The following ZCCHC7 variants were observed in gnomAD, a reference collection of about 807,000 sequenced individuals.
The protein encoded by ZCCHC7 is zinc finger CCHC-type containing 7, also known as zinc finger CCHC domain-containing protein 7.
A neutral mutation model predicts 52.0 loss-of-function variants in ZCCHC7; 35 were observed. The observed-to-expected ratio is 0.67, with a 90% confidence interval of 0.51 to 0.89. The LOEUF is 0.89. ZCCHC7 is among the 40% of genes least tolerant of loss of function. The pLI is 0.00. For synonymous variants in ZCCHC7, 217 were observed against 221.5 expected (o/e 0.98, Z 0.18); for missense variants, 574 against 649.1 (o/e 0.88, Z 1.26).
chr9:37,284,111 G>A (rs1249967770), intron 2 of ZCCHC7: 1 of 152,086 alleles, frequency 6.6e-6, no homozygotes, highest in Non-Finnish European at 1.5e-5. Flanking sequence ...CCGACTGTGT[G>A]GTAGACCAGC....
At chr9:37,275,625 G>A (rs990203871) in intron 2 of ZCCHC7, among the ~76,000 whole-genome samples, 1 of 151,928 alleles carries the variant, frequency 6.6e-6, no homozygotes, top group African/African-American at 2.4e-5. Context: ...AACATGGAAT[G>A]GCAGACTCTT....
chr9:37,245,485 T>G (rs974021609), intron 2 of ZCCHC7, among the ~76,000 whole-genome samples: 10 of 152,134 alleles, frequency 6.6e-5, no homozygotes, highest in Admixed American at 6.5e-4. Context: ...AACAAACTAT[T>G]GTTGAGCACC....
At chr9:37,172,965 G>T (rs1564157130) in intron 2 of ZCCHC7, among the ~76,000 whole-genome samples, 1 of 152,032 alleles carries the variant, frequency 6.6e-6, no homozygotes, top group African/African-American at 2.4e-5. Context: ...GAGCAACGTG[G>T]GCATTCCAAT....
intron 5 of ZCCHC7, chr9:37,327,021 A>G (rs1452686397): frequency 6.6e-6 from 1 of 152,142 alleles, no homozygotes; most frequent in African/African-American, 2.4e-5. Flanking sequence ...TGTCCTTAAC[A>G]AGGTCATAAT....
intron 2 of ZCCHC7, among the ~76,000 whole-genome samples, chr9:37,130,209 G>C (rs1216619846): frequency 2.1e-5 from 3 of 143,400 alleles, no homozygotes. Flanking sequence ...TTGCACTCCA[G>C]CCTGGGTGAT....
intron 5 of ZCCHC7, among the ~76,000 whole-genome samples, chr9:37,308,404 A>G (rs1478275090): frequency 2.6e-5 from 4 of 151,930 alleles, no homozygotes; most frequent in African/African-American, 9.7e-5. Context: ...TTTGCCTGTG[A>G]TAAAGAAGGG....
At chr9:37,221,959 G>T (rs1824836428) in intron 2 of ZCCHC7, among the ~76,000 whole-genome samples, 1 of 151,484 alleles carries the variant, frequency 6.6e-6, no homozygotes, top group Non-Finnish European at 1.5e-5. Context: ...ATTTTCAATA[G>T]CAAAAAAAAC....
chr9:37,178,133 T>G (rs563520595), intron 2 of ZCCHC7, among the ~76,000 whole-genome samples: 8 of 152,172 alleles, frequency 5.3e-5, no homozygotes, highest in Non-Finnish European at 1.2e-4. Flanking sequence ...ACCCTAAACC[T>G]AGCCAGTAAT....
chr9:37,216,417 G>C (rs187556737), intron 2 of ZCCHC7, among the ~76,000 whole-genome samples: 85 of 152,312 alleles, frequency 5.6e-4, no homozygotes, highest in African/African-American at 1.9e-3. Flanking sequence ...GCTCACGCCT[G>C]TAATCCTAGC....
At position 37,305,594 on chromosome 9, in the gene ZCCHC7, C is replaced by A; in HGVS notation, c.831C>A (p.Ser277=). Reference sequence around the variant, plus strand: ...CCAGGAGAGGACATCTCCTGTATTCCTGTCCAGCCCCCCTTTGCGAATACT... The same window carrying A: ...CCAGGAGAGGACATCTCCTGTATTCATGTCCAGCCCCCCTTTGCGAATACT... The part of the protein sequence containing the change: ...LCSRRGHLLY[S]CPAPLCEYCP... Residue 277 remains serine, a synonymous_variant, in exon 5 of 9, where the codon TCC becomes TCA. Coordinates refer to ENST00000336755, the MANE Select transcript of ZCCHC7 (RefSeq NM_032226.3). 1 of 1,614,120 alleles carries A rather than the reference C, an allele frequency of 6.2e-7. No individual in the cohort carries two copies. Among genetic ancestry groups the A allele is most frequent in the Non-Finnish European group, 8.5e-7 (1 of 1,180,014 alleles).
chr9:37,353,839 G>A (rs1218277330), intron 7 of ZCCHC7, among the ~76,000 whole-genome samples: 1 of 152,092 alleles, frequency 6.6e-6, no homozygotes, highest in Non-Finnish European at 1.5e-5. Context: ...ACTTAGCTAA[G>A]AAACAACATT....
chr9:37,298,416 T>A (rs1828885070), intron 2 of ZCCHC7, among the ~76,000 whole-genome samples: 1 of 152,204 alleles, frequency 6.6e-6, no homozygotes, highest in South Asian at 2.1e-4. Context: ...AAACAAATTG[T>A]TATATCCATA....
chr9:37,323,921 TCTTGAGG>T (rs889353099), intron 5 of ZCCHC7, among the ~76,000 whole-genome samples: 127 of 152,278 alleles, frequency 8.3e-4, no homozygotes, highest in African/African-American at 2.8e-3. Context: ...AAGAGCCTGG[TCTTGAGG>T]CTTCAGAGTA....
chr9:37,143,237 A>G (rs1222127033), intron 2 of ZCCHC7, among the ~76,000 whole-genome samples: 6 of 151,720 alleles, frequency 4.0e-5, no homozygotes, highest in South Asian at 2.1e-4. Flanking sequence ...TTCTTTTAAA[A>G]CTGAATGGCT....
At position 37,126,626 on chromosome 9, in the gene ZCCHC7, C is replaced by A; in HGVS notation, c.294C>A (p.Asp98Glu). 6.2e-7 allele frequency: 1 copy of A among 1,614,100 alleles called. No homozygotes were observed. The highest frequency in any genetic ancestry group is 8.5e-7 in the Non-Finnish European group (1 of 1,180,006). ...GSEVITLSDE[D>E]SIYRCKGKNV... Reference sequence around the variant, plus strand: ...AGGTCATCACTTTGTCTGATGAAGACAGTATTTATAGATGTAAAGGAAAGA... The same window carrying A: ...AGGTCATCACTTTGTCTGATGAAGAAAGTATTTATAGATGTAAAGGAAAGA... The change falls in exon 2 of 9, where the codon GAC becomes GAA. Residue 98 changes from aspartate to glutamate, a missense_variant. Physicochemically the swap from Asp to Glu is conservative, Grantham distance 45 (BLOSUM62 2). This residue lies in a region of ZCCHC7 where 403 missense variants were observed against 461.2 expected (regional missense o/e 0.87). Coordinates refer to ENST00000336755, the MANE Select transcript of ZCCHC7 (RefSeq NM_032226.3).
intron 2 of ZCCHC7, among the ~76,000 whole-genome samples, chr9:37,260,022 TAA>T (rs1246173023): frequency 1.3e-5 from 2 of 152,258 alleles, no homozygotes; most frequent in East Asian, 3.8e-4. Flanking sequence ...CAGTGGTTTA[TAA>T]AACTGGAGAT....
At chr9:37,320,566 T>G (rs533267918) in intron 5 of ZCCHC7, among the ~76,000 whole-genome samples, 13 of 152,350 alleles carry the variant, frequency 8.5e-5, no homozygotes, top group Admixed American at 2.0e-4. Flanking sequence ...AATCCATGAA[T>G]ATGGTATGTC....
chr9:37,123,190 GGTGTGTGTGTGTGTGTGTGTGTGTGT>G (rs58690804), intron 1 of ZCCHC7, among the ~76,000 whole-genome samples: 1 of 148,712 alleles, frequency 6.7e-6, no homozygotes, highest in East Asian at 2.0e-4. Context: ...CTGAGTCAAG[GGTGTGTGTGTGTGTGTGTGTGTGTGT>G]GTGTGTGTGC....
chr9:37,129,700 A>G (rs570685146), intron 2 of ZCCHC7, among the ~76,000 whole-genome samples: 41 of 152,358 alleles, frequency 2.7e-4, no homozygotes, highest in African/African-American at 9.9e-4. Flanking sequence ...AAAACAAAAT[A>G]TCTCCCAGAA....
Sources: gnomAD v4.1 joint callset for allele counts (sites outside exome capture counted in the v4.1 genomes callset) on GRCh38, gnomAD v4.1.1 for gene constraint, gnomAD v4.1.1 regional missense constraint, MANE v1.5 for transcripts, NCBI Gene and HGNC (gene_info 2026-07-23, HGNC 2026-07-21) for gene names.